The following CLSTN2 variants were observed in gnomAD, a reference collection of about 807,000 sequenced individuals.
The protein encoded by CLSTN2 is calsyntenin-2.
A neutral mutation model predicts 101.2 loss-of-function variants in CLSTN2; 48 were observed. The ratio of observed to expected loss-of-function variants is 0.47; its 90% CI spans 0.38 to 0.60. CLSTN2 has a LOEUF of 0.60. Among genes scored for constraint, CLSTN2 ranks in the 20% least tolerant of loss-of-function variants. CLSTN2 has a pLI of 0.00. For missense variants in CLSTN2, 1,160 were observed against 1,238.2 expected (o/e 0.94, Z 0.95); for synonymous variants, 481 against 463.6 (o/e 1.04, Z -0.48).
chr3:140,448,779 G>A, intron 6 of CLSTN2, 75 bp downstream of exon 6: 3 of 1,308,136 alleles, frequency 2.3e-6, no homozygotes, highest in Non-Finnish European at 2.2e-6. Flanking sequence ...ATATCTTATT[G>A]TCTTAGGCAA....
At chr3:139,944,027 G>A (rs1195939972) in intron 1 of CLSTN2, among the ~76,000 whole-genome samples, 1 of 152,172 alleles carries the variant, frequency 6.6e-6, no homozygotes, top group Non-Finnish European at 1.5e-5. Context: ...TCCTGTCAGT[G>A]AACTTTCTAG....
chr3:140,053,509 T>C (rs2008041599), intron 1 of CLSTN2, among the ~76,000 whole-genome samples: 1 of 152,156 alleles, frequency 6.6e-6, no homozygotes, highest in Admixed American at 6.5e-5. Context: ...AGGCACCAGA[T>C]GCAGCGTGGT....
chr3:140,266,023 C>T (rs746704212), intron 2 of CLSTN2, among the ~76,000 whole-genome samples: 10 of 152,284 alleles, frequency 6.6e-5, no homozygotes, highest in South Asian at 2.1e-4. Context: ...CACTGTGATT[C>T]GTGGGTGCCC....
At chr3:140,562,666 T>G (rs1014584707) in intron 13 of CLSTN2, 145 bp from the exon 14 acceptor site, 16 of 829,892 alleles carry the variant, frequency 1.9e-5, no homozygotes, top group Admixed American at 8.2e-5. Context: ...TTCTGCACAT[T>G]GTCTGCCCAA....
intron 2 of CLSTN2, among the ~76,000 whole-genome samples, chr3:140,361,901 C>G (rs1327372695): frequency 1.3e-5 from 2 of 152,076 alleles, no homozygotes; most frequent in Non-Finnish European, 2.9e-5. Context: ...TGGCAGTTCT[C>G]CACAAATTCA....
At chr3:140,045,556 C>G (rs1308881576) in intron 1 of CLSTN2, among the ~76,000 whole-genome samples, 1 of 152,136 alleles carries the variant, frequency 6.6e-6, no homozygotes, top group Non-Finnish European at 1.5e-5. Context: ...TTGTCTTCTG[C>G]TAGCTTTTGA....
intron 1 of CLSTN2, among the ~76,000 whole-genome samples, chr3:139,941,745 T>G (rs558762712): frequency 6.6e-6 from 1 of 152,256 alleles, no homozygotes; most frequent in South Asian, 2.1e-4. Context: ...GTAAGAGTGA[T>G]TGGCACACAG....
intron 5 of CLSTN2, among the ~76,000 whole-genome samples, chr3:140,432,165 C>T (rs2088638497): frequency 1.4e-5 from 1 of 69,686 alleles, no homozygotes; most frequent in African/African-American, 5.2e-5. Flanking sequence ...GGTCCAGGAA[C>T]TCAGATTTCA....
chr3:140,163,029 C>T (rs2010075742), intron 1 of CLSTN2, among the ~76,000 whole-genome samples: 1 of 152,176 alleles, frequency 6.6e-6, no homozygotes, highest in Non-Finnish European at 1.5e-5. Context: ...TCTTCTCACT[C>T]AGTTTGAATA....
chr3:140,574,362 C>A lies in CLSTN2; in HGVS notation c.*8109C>A, dbSNP rs1209523167. 1 of 152,170 alleles carries A rather than the reference C, an allele frequency of 6.6e-6. No homozygotes were observed. The highest frequency in any genetic ancestry group is 1.5e-5 in the Non-Finnish European group (1 of 68,062). The allele number at this position is 152,170 out of a possible 1,614,324, so 9.4% of individuals were successfully genotyped here. ...CCTAGCTATAGTCAGTAAATGGAGCCCCTAAGCAAGGAGCAGGGGTAGATG... is the reference window on the plus strand; with the variant it reads ...CCTAGCTATAGTCAGTAAATGGAGCACCTAAGCAAGGAGCAGGGGTAGATG... On this transcript the variant is annotated 3_prime_UTR_variant, in exon 17 of 17. Transcript: ENST00000458420.
chr3:140,153,747 C>T (rs1408515172), intron 1 of CLSTN2, among the ~76,000 whole-genome samples: 1 of 152,152 alleles, frequency 6.6e-6, no homozygotes, highest in Non-Finnish European at 1.5e-5. Flanking sequence ...GAGCTTGCTC[C>T]ACCTCAGGCC....
intron 9 of CLSTN2, among the ~76,000 whole-genome samples, chr3:140,534,881 G>A (rs890977602): frequency 7.2e-5 from 11 of 152,146 alleles, no homozygotes; most frequent in Non-Finnish European, 1.0e-4. Flanking sequence ...TCTTTCCCAC[G>A]TAGAAAATAC....
At chr3:139,959,166 C>G (rs1192983178) in intron 1 of CLSTN2, among the ~76,000 whole-genome samples, 2 of 152,124 alleles carry the variant, frequency 1.3e-5, no homozygotes, top group Admixed American at 6.5e-5. Context: ...GCTGAGCCCC[C>G]CTTGCAGAGG....
chr3:140,223,140 C>G (rs1424139857), intron 2 of CLSTN2, among the ~76,000 whole-genome samples: 1 of 152,142 alleles, frequency 6.6e-6, no homozygotes, highest in Non-Finnish European at 1.5e-5. Flanking sequence ...TCTCACTCAC[C>G]CAGATGGCCC....
rs968501042 is a variant in CLSTN2, at chr3:140,429,128, G to A, written c.787+7854G>A. On this transcript the variant is annotated intron_variant, in intron 5 of 16. Transcript: ENST00000458420. ...GCAGCAACTAATCTAATGCTGGCTA[G>A]ATTCGTTGCTTTTAGTTATTGGCAT... is the stretch of plus-strand genomic sequence containing the variant. Among the ~76,000 whole-genome samples the A allele has an allele frequency of 6.6e-5, 10 of 152,176 alleles. 1 individual carries two copies. The highest frequency in any genetic ancestry group is 6.3e-3 in the Middle Eastern group (2 of 316).
chr3:140,151,310 A>G (rs1019762767), intron 1 of CLSTN2, among the ~76,000 whole-genome samples: 1 of 152,052 alleles, frequency 6.6e-6, no homozygotes, highest in African/African-American at 2.4e-5. Flanking sequence ...GGAAGAGTGT[A>G]ATCCCTTAAG....
At chr3:140,261,096 C>A (rs2086650272) in intron 2 of CLSTN2, among the ~76,000 whole-genome samples, 1 of 152,092 alleles carries the variant, frequency 6.6e-6, no homozygotes, top group Admixed American at 6.5e-5. Flanking sequence ...ACTCATTTTT[C>A]CCTGCCCTCT....
intron 8 of CLSTN2, among the ~76,000 whole-genome samples, chr3:140,528,050 C>A (rs1276830726): frequency 6.6e-6 from 1 of 152,002 alleles, no homozygotes; most frequent in Non-Finnish European, 1.5e-5. Context: ...GCATATGTAC[C>A]CCTCAATCTA....
At chr3:139,969,411 A>G (rs1338525993) in intron 1 of CLSTN2, among the ~76,000 whole-genome samples, 1 of 152,076 alleles carries the variant, frequency 6.6e-6, no homozygotes, top group Non-Finnish European at 1.5e-5. Context: ...GTTTCTTTCT[A>G]CAGTAGACCT....
Sources: gnomAD v4.1 joint callset for allele counts (sites outside exome capture counted in the v4.1 genomes callset) on GRCh38, gnomAD v4.1.1 for gene constraint, MANE v1.5 for transcripts, NCBI Gene and HGNC (gene_info 2026-07-23, HGNC 2026-07-21) for gene names.